Variants in CSGALNACT1 observed in about 807,000 individuals in gnomAD.
The protein encoded by CSGALNACT1 is beta4GalNAcT-1.
In CSGALNACT1, 52 loss-of-function variants were observed where a neutral mutation model predicts 51.0. The observed-to-expected ratio is 1.02, with a 90% CI of 0.82 to 1.29. The LOEUF (loss-of-function observed/expected upper bound fraction) is 1.29, where lower values mean the gene tolerates loss of function less well. Among genes scored for constraint, CSGALNACT1 ranks in the 50% most tolerant of loss-of-function variants. The pLI is 0.00. For synonymous variants in CSGALNACT1, 341 were observed against 254.4 expected (o/e 1.34, Z -3.24); for missense variants, 935 against 679.2 (o/e 1.38, Z -4.19).
rs1273230888 is a variant in CSGALNACT1 at position 19,714,582 on chromosome 8, G to A, written c.-297+43268C>T. Among the ~76,000 whole-genome samples the A allele has an allele frequency of 2.0e-5, 3 of 151,698 alleles. No individual in the cohort carries two copies. The South Asian group carries it at 6.3e-4, about 32-fold the overall frequency. ...TCCTTTTTAAAAATTTTTTCTCTTTGTGTTTTAGTTTGGGTAATTTCTATT... is the reference window on the plus strand; with the variant it reads ...TCCTTTTTAAAAATTTTTTCTCTTTATGTTTTAGTTTGGGTAATTTCTATT... On this transcript the variant is annotated intron_variant, in intron 1 of 1. Transcript: ENST00000517494.
At chr8:19,459,741 G>C (rs1470221082) in intron 4 of CSGALNACT1, among the ~76,000 whole-genome samples, 1 of 152,132 alleles carries the variant, frequency 6.6e-6, no homozygotes, top group South Asian at 2.1e-4. Context: ...TGTGAGGAGT[G>C]AATGTTTTTG....
chr8:19,510,046 G>A (rs553753548), intron 3 of CSGALNACT1, among the ~76,000 whole-genome samples: 4 of 152,186 alleles, frequency 2.6e-5, no homozygotes, highest in Non-Finnish European at 4.4e-5. Context: ...CATAATTCCC[G>A]TTTTTTGTTT....
chr8:19,612,470 C>T (rs995159594), intron 1 of CSGALNACT1, among the ~76,000 whole-genome samples: 1 of 152,132 alleles, frequency 6.6e-6, no homozygotes, highest in Non-Finnish European at 1.5e-5. Flanking sequence ...AGATTCTTCA[C>T]TATTTCCTCA....
chr8:19,562,412 C>T (rs750023766), intron 3 of CSGALNACT1, among the ~76,000 whole-genome samples: 1 of 148,586 alleles, frequency 6.7e-6, no homozygotes, highest in Non-Finnish European at 1.5e-5. Flanking sequence ...TATTTCATAA[C>T]AAAAATGTCA....
chr8:19,423,530 C>A (rs994141561), intron 6 of CSGALNACT1, among the ~76,000 whole-genome samples: 1 of 152,180 alleles, frequency 6.6e-6, no homozygotes, highest in Non-Finnish European at 1.5e-5. Flanking sequence ...AAATGCTGTT[C>A]TCTCCTCTGC....
chr8:19,461,216 A>G (rs1367009594), intron 4 of CSGALNACT1, among the ~76,000 whole-genome samples: 1 of 152,250 alleles, frequency 6.6e-6, no homozygotes, highest in Non-Finnish European at 1.5e-5. Context: ...ATTTCTTAGA[A>G]AGCTCAAAGG....
intron 6 of CSGALNACT1, among the ~76,000 whole-genome samples, chr8:19,434,076 T>C (rs1455439049): frequency 6.6e-6 from 1 of 152,186 alleles, no homozygotes; most frequent in Non-Finnish European, 1.5e-5. Flanking sequence ...GTTTCTTGGA[T>C]AAATGCTCTC....
intron 1 of CSGALNACT1, among the ~76,000 whole-genome samples, chr8:19,628,511 A>G (rs1268049974): frequency 1.3e-5 from 2 of 152,254 alleles, no homozygotes; most frequent in Non-Finnish European, 2.9e-5. Context: ...CCGTATCAAC[A>G]GTGTTCACTG....
upstream of CSGALNACT1, among the ~76,000 whole-genome samples, chr8:19,683,492 A>G (rs1310238009): frequency 6.6e-6 from 1 of 152,198 alleles, no homozygotes; most frequent in Admixed American, 6.5e-5. Context: ...CCACACACCA[A>G]TGGCAGCCAG....
intron 1 of CSGALNACT1, among the ~76,000 whole-genome samples, chr8:19,612,796 C>T (rs2052452097): frequency 6.6e-6 from 1 of 151,754 alleles, no homozygotes; most frequent in Non-Finnish European, 1.5e-5. Flanking sequence ...GCACTAAAAA[C>T]ACACCATTTT....
At chr8:19,737,962 G>C (rs945293888) in intron 1 of CSGALNACT1, among the ~76,000 whole-genome samples, 1 of 152,180 alleles carries the variant, frequency 6.6e-6, no homozygotes, top group Non-Finnish European at 1.5e-5. Flanking sequence ...TTCTGGAGAT[G>C]GGCAGTGGTG....
rs780536319 is a variant in CSGALNACT1, at chr8:19,512,928, G to A, written c.-296-6798C>T. The stretch of plus-strand genomic sequence containing the variant: ...GAAGTAGCTGACTATTACAGCACAC[G>A]GGCCAAGTTAACTGAGAAGTGATGA... On this transcript the variant is annotated intron_variant, in intron 3 of 9. Transcript: ENST00000454498. Among the ~76,000 whole-genome samples, 25 of 152,246 alleles carry A rather than the reference G, an allele frequency of 1.6e-4. 1 individual carries two copies. The highest frequency in any genetic ancestry group is 3.9e-4 in the East Asian group (2 of 5,184).
intron 3 of CSGALNACT1, among the ~76,000 whole-genome samples, chr8:19,562,109 T>A (rs2040876541): frequency 6.6e-6 from 1 of 152,168 alleles, no homozygotes; most frequent in African/African-American, 2.4e-5. Flanking sequence ...GGTCCCACTC[T>A]GAGCACCACC....
At chr8:19,496,813 T>C (rs148400288) in intron 4 of CSGALNACT1, among the ~76,000 whole-genome samples, 2 of 152,248 alleles carry the variant, frequency 1.3e-5, no homozygotes, top group African/African-American at 2.4e-5. Context: ...GTGAAGCCCT[T>C]TGTGGTTCCA....
At chr8:19,493,798 A>C in intron 4 of CSGALNACT1, among the ~76,000 whole-genome samples, 1 of 152,068 alleles carries the variant, frequency 6.6e-6, no homozygotes, top group East Asian at 1.9e-4. Context: ...AGCTACCATG[A>C]ATATTCACAT....
intron 4 of CSGALNACT1, among the ~76,000 whole-genome samples, chr8:19,494,473 C>T (rs2075072857): frequency 6.6e-6 from 1 of 152,218 alleles, no homozygotes; most frequent in Non-Finnish European, 1.5e-5. Flanking sequence ...TACCTGTGTA[C>T]ATGGGTGCCC....
At chr8:19,572,885 A>G (rs1236622222) in intron 3 of CSGALNACT1, among the ~76,000 whole-genome samples, 1 of 152,262 alleles carries the variant, frequency 6.6e-6, no homozygotes, top group Non-Finnish European at 1.5e-5. Context: ...GTAATGAGAT[A>G]TAATTGAGTA....
chr8:19,605,329 A>G (rs937834229), upstream of CSGALNACT1, among the ~76,000 whole-genome samples: 13 of 152,262 alleles, frequency 8.5e-5, no homozygotes, highest in Admixed American at 1.3e-4. Context: ...CCAGCTACTC[A>G]GGAGACTGAG....
chr8:19,736,274 T>A (rs2063965394), intron 1 of CSGALNACT1, among the ~76,000 whole-genome samples: 2 of 152,224 alleles, frequency 1.3e-5, no homozygotes, highest in Non-Finnish European at 2.9e-5. Context: ...CATTTACTTG[T>A]AGTCTATGGC....
Sources: gnomAD v4.1 joint callset for allele counts (sites outside exome capture counted in the v4.1 genomes callset) on GRCh38, gnomAD v4.1.1 for gene constraint, MANE v1.5 for transcripts, NCBI Gene and HGNC (gene_info 2026-07-23, HGNC 2026-07-21) for gene names.